The following ZFHX3 variants were observed in gnomAD, a reference collection of about 807,000 sequenced individuals.
ZFHX3 encodes the protein zinc finger homeobox protein 3.
In ZFHX3, 42 loss-of-function variants were observed where a neutral mutation model predicts 279.1. That is an observed-to-expected ratio of 0.15 (90% CI 0.12 to 0.19). The LOEUF is 0.19. Ranked by LOEUF, ZFHX3 falls within the 10% of genes least tolerant of loss-of-function variation. ZFHX3 has a pLI of 1.00. For missense variants in ZFHX3, 4,981 were observed against 4,754.0 expected (o/e 1.05, Z -1.40); for synonymous variants, 2,293 against 1,957.8 (o/e 1.17, Z -4.52).
At chr16:72,892,969 C>T (rs2038810839) in intron 3 of ZFHX3, among the ~76,000 whole-genome samples, 1 of 152,136 alleles carries the variant, frequency 6.6e-6, no homozygotes, top group African/African-American at 2.4e-5. Context: ...GATGAGCTAG[C>T]CCACGTCCCT....
intron 1 of ZFHX3, among the ~76,000 whole-genome samples, chr16:72,988,315 G>A (rs531812942): frequency 1.3e-5 from 2 of 152,278 alleles, no homozygotes; most frequent in African/African-American, 4.8e-5. Context: ...AGCCAGTCCC[G>A]GAGCTACTCT....
intron 1 of ZFHX3, among the ~76,000 whole-genome samples, chr16:73,800,283 T>G (rs996192907): frequency 2.0e-5 from 3 of 151,972 alleles, no homozygotes; most frequent in Non-Finnish European, 4.4e-5. Context: ...AGTGACGCAA[T>G]TTCAGCTCAT....
intron 7 of ZFHX3, among the ~76,000 whole-genome samples, chr16:73,120,877 A>G (rs1340028868): frequency 6.6e-6 from 1 of 150,910 alleles, no homozygotes; most frequent in East Asian, 2.0e-4. Context: ...CATGGTCTTG[A>G]TATCCTGACC....
At chr16:73,737,446 G>A (rs979469989) in intron 1 of ZFHX3, among the ~76,000 whole-genome samples, 2 of 152,124 alleles carry the variant, frequency 1.3e-5, no homozygotes, top group African/African-American at 2.4e-5. Context: ...ATCCTTTGTG[G>A]GATGAAGACA....
intron 1 of ZFHX3, among the ~76,000 whole-genome samples, chr16:73,766,957 A>T: frequency 7.4e-6 from 1 of 134,488 alleles, no homozygotes; most frequent in Non-Finnish European, 1.5e-5. Context: ...TTTTTCCGAG[A>T]TGGAGTCTTA....
intron 3 of ZFHX3, among the ~76,000 whole-genome samples, chr16:73,347,128 G>C (rs527736233): frequency 7.8e-4 from 119 of 152,288 alleles, no homozygotes; most frequent in African/African-American, 2.5e-3. Context: ...ATAAATATTT[G>C]CTCCTTCAAA....
At chr16:73,294,375 C>A (rs1274661786) in intron 4 of ZFHX3, 1 of 152,230 alleles carries the variant, frequency 6.6e-6, no homozygotes, top group Non-Finnish European at 1.5e-5. Context: ...CCCTCTCCCC[C>A]AGGATGGACA....
rs1358708283 is a variant in ZFHX3 at position 72,793,136 on chromosome 16, A to G, written c.9427+119T>C. ...ACTGAAGTCTTGTTGCTTTTAAAGA[A>G]CTAGAAAGGTAAGCTTCCCATCTGC... On this transcript the variant is annotated intron_variant, in intron 9 of 9. Coordinates refer to ENST00000268489, the MANE Select transcript of ZFHX3 (RefSeq NM_006885.4). This position sits in a 1 kb window ranked among gnomAD's most constrained non-coding sequence, Gnocchi z 4.3. 3 of 1,491,346 alleles carry G rather than the reference A, an allele frequency of 2.0e-6. No individual in the cohort carries two copies. The highest frequency in any genetic ancestry group is 2.7e-6 in the Non-Finnish European group (3 of 1,119,472). 92.4% of individuals were successfully genotyped at this position (1,491,346 alleles called of 1,614,324 possible). A position where few individuals can be genotyped will look rare whatever the true frequency, so the allele number is the denominator to read the frequency against.
intron 1 of ZFHX3, among the ~76,000 whole-genome samples, chr16:73,774,823 A>G (rs1230101961): frequency 1.3e-5 from 2 of 152,230 alleles, no homozygotes; most frequent in Non-Finnish European, 2.9e-5. Context: ...CATTTGCTCC[A>G]GGAAGTTGTT....
intron 1 of ZFHX3, among the ~76,000 whole-genome samples, chr16:73,889,826 G>A (rs144646978): frequency 1.3e-5 from 2 of 152,056 alleles, no homozygotes; most frequent in African/African-American, 4.8e-5. Flanking sequence ...TCCCATCCCC[G>A]CCCCCAGAGC....
At chr16:73,321,476 T>C (rs1000211470) in intron 3 of ZFHX3, among the ~76,000 whole-genome samples, 3 of 152,214 alleles carry the variant, frequency 2.0e-5, no homozygotes, top group African/African-American at 7.2e-5. Flanking sequence ...TTATGAATTA[T>C]TATTATTCCC....
intron 3 of ZFHX3, among the ~76,000 whole-genome samples, chr16:72,945,701 G>A (rs564561855): frequency 1.3e-5 from 2 of 152,086 alleles, no homozygotes; most frequent in African/African-American, 2.4e-5. Context: ...GAGAAAACAA[G>A]GTTTGAGGCA....
In ZFHX3 at chr16:73,110,805, C is replaced by G. The variant is rs1018431580; in HGVS notation, c.-896-17207G>C. ...TCTTGAAGTTCTGGGCTCACGTGATCTGCCTGCCTTGGCTTTCCAAATTGC... is the reference window on the plus strand; with the variant it reads ...TCTTGAAGTTCTGGGCTCACGTGATGTGCCTGCCTTGGCTTTCCAAATTGC... On this transcript the variant is annotated intron_variant, in intron 7 of 17. Coordinates refer to the ZFHX3 transcript ENST00000641206. 8.5e-5 allele frequency among the ~76,000 whole-genome samples: 13 copies of G among 152,308 alleles called. 1 individual carries two copies. The highest frequency in any genetic ancestry group is 2.6e-4 in the Admixed American group (4 of 15,298).
At chr16:72,978,263 T>C (rs1962439933) in intron 1 of ZFHX3, among the ~76,000 whole-genome samples, 2 of 152,160 alleles carry the variant, frequency 1.3e-5, no homozygotes, top group African/African-American at 2.4e-5. Context: ...CAAGGCCTCT[T>C]GTTAATTGTG....
At chr16:73,162,086 G>T (rs996672358) in intron 5 of ZFHX3, among the ~76,000 whole-genome samples, 1 of 152,196 alleles carries the variant, frequency 6.6e-6, no homozygotes, top group African/African-American at 2.4e-5. Flanking sequence ...TTATAGAGCA[G>T]GGGTCCCCAG....
chr16:73,868,082 T>C (rs998217351), intron 1 of ZFHX3, among the ~76,000 whole-genome samples: 1 of 152,236 alleles, frequency 6.6e-6, no homozygotes. Context: ...TGATGCTTTT[T>C]GTTCTTCTTT....
intron 1 of ZFHX3, among the ~76,000 whole-genome samples, chr16:73,810,901 A>T (rs1336591967): frequency 1.3e-5 from 2 of 152,042 alleles, no homozygotes; most frequent in Non-Finnish European, 2.9e-5. Flanking sequence ...TAATATACCT[A>T]TAATAAATAA....
chr16:73,566,606 A>C (rs1248153847), intron 2 of ZFHX3, among the ~76,000 whole-genome samples: 1 of 144,966 alleles, frequency 6.9e-6, no homozygotes, highest in Non-Finnish European at 1.6e-5. Flanking sequence ...CTGTGGCCTC[A>C]AACTCCTGGG....
intron 1 of ZFHX3, among the ~76,000 whole-genome samples, chr16:73,771,735 T>A (rs1360017475): frequency 6.6e-6 from 1 of 151,956 alleles, no homozygotes; most frequent in Admixed American, 6.6e-5. Flanking sequence ...CTGCTCACTG[T>A]CCAGTCCTTA....
Sources: gnomAD v4.1 joint callset for allele counts (sites outside exome capture counted in the v4.1 genomes callset) on GRCh38, gnomAD v4.1.1 for gene constraint, Gnocchi (gnomAD v3.1) non-coding constraint, MANE v1.5 for transcripts, NCBI Gene and HGNC (gene_info 2026-07-23, HGNC 2026-07-21) for gene names.